Variants in CUX1 observed in about 807,000 individuals in gnomAD.
The protein encoded by CUX1 is cut like homeobox 1.
A neutral mutation model predicts 158.8 loss-of-function variants in CUX1; 31 were observed. The ratio of observed to expected loss-of-function variants is 0.20; its 90% CI spans 0.15 to 0.26. The LOEUF (loss-of-function observed/expected upper bound fraction) is 0.26, where lower values mean the gene tolerates loss of function less well. Among genes scored for constraint, CUX1 ranks in the 10% least tolerant of loss-of-function variants. The pLI is 1.00. For synonymous variants in CUX1, 879 were observed against 862.1 expected (o/e 1.02, Z -0.34); for missense variants, 1,589 against 2,014.6 (o/e 0.79, Z 4.04).
At chr7:102,230,595 C>T (rs1798855219) in intron 21 of CUX1, among the ~76,000 whole-genome samples, 1 of 151,964 alleles carries the variant, frequency 6.6e-6, no homozygotes, top group African/African-American at 2.4e-5. Context: ...GTGGAAGCCT[C>T]CCATCCCCAT....
At chr7:102,134,829 C>G (rs1833719781) in intron 8 of CUX1, among the ~76,000 whole-genome samples, 1 of 152,116 alleles carries the variant, frequency 6.6e-6, no homozygotes. Context: ...CTCCTGGGCT[C>G]AAGCGATCCT....
chr7:101,989,015 A>T (rs1814730764), intron 2 of CUX1, among the ~76,000 whole-genome samples: 1 of 151,786 alleles, frequency 6.6e-6, no homozygotes, highest in South Asian at 2.1e-4. Context: ...AATAATAATA[A>T]TAATAATATT....
intron 15 of CUX1, 81 bp from the exon 16 acceptor site, chr7:102,198,721 G>C: frequency 7.8e-7 from 1 of 1,285,874 alleles, no homozygotes; most frequent in South Asian, 1.2e-5. Context: ...AGGCGGCTCA[G>C]ATTTCATGTC....
chr7:101,858,329 C>A (rs556812390), intron 1 of CUX1, among the ~76,000 whole-genome samples: 10 of 152,230 alleles, frequency 6.6e-5, no homozygotes, highest in African/African-American at 2.4e-4. Context: ...ATTTTAGAGG[C>A]CGACTTTGGT....
intron 1 of CUX1, among the ~76,000 whole-genome samples, chr7:101,835,102 C>T (rs186604192): frequency 1.0e-3 from 156 of 152,266 alleles, no homozygotes; most frequent in Non-Finnish European, 2.2e-4. Context: ...AGTTCCAAAA[C>T]GTTTCCAACA....
intron 13 of CUX1, 106 bp downstream of exon 13, chr7:102,193,996 C>T: frequency 9.2e-7 from 1 of 1,092,354 alleles, no homozygotes. Flanking sequence ...AGACCTCTCA[C>T]TTACAGCCGA....
chr7:101,963,518 G>A (rs1563066956), intron 2 of CUX1, among the ~76,000 whole-genome samples: 1 of 152,174 alleles, frequency 6.6e-6, no homozygotes, highest in African/African-American at 2.4e-5. Flanking sequence ...TAGTAGGGTG[G>A]GAAGTGGAGG....
chr7:102,226,161 T>C (rs1346870970), intron 20 of CUX1, among the ~76,000 whole-genome samples: 1 of 152,190 alleles, frequency 6.6e-6, no homozygotes, highest in Non-Finnish European at 1.5e-5. Context: ...CCAGCTGGCA[T>C]TTCCCACTGG....
Position 102,201,379 on chromosome 7 carries a change from C to T in CUX1, c.2082C>T (p.Ser694=). The T allele has an allele frequency of 1.9e-6, 3 of 1,613,712 alleles. No homozygotes were observed. The highest frequency in any genetic ancestry group is 2.2e-5 in the East Asian group (1 of 44,876). Residue 694 remains serine (S), a synonymous_variant, in exon 18 of 24, where the codon TCC becomes TCT. Coordinates refer to ENST00000292535, the MANE Select transcript of CUX1 (RefSeq NM_181552.4). The surrounding 1 kb of genome is among the most constrained non-coding windows in gnomAD (Gnocchi z 5.0). ...ATGCAGCAGAGCCGGCCCAGCCTTC[C>T]TCCGCATCCGGCAGCGGGAACTCTG... ...VQKTAEPAQP[S]SASGSGNSDD... is the part of the protein sequence containing the mutation.
At position 102,073,346 on chromosome 7, in the gene CUX1, G is replaced by A. The variant is rs547930835; in HGVS notation, c.268+2929G>A. ...CCATCACGACACCCAGCTAATTTTT[G>A]TACTTTAGTAGAGACGGGGTTTCGC... On this transcript the variant is annotated intron_variant, in intron 4 of 23. Transcript: ENST00000292535. Among the ~76,000 whole-genome samples, 3 of 151,300 alleles carry A rather than the reference G, an allele frequency of 2.0e-5. No individual in the cohort carries two copies. The East Asian group carries it at 5.9e-4, about 30-fold the overall frequency.
rs1554487751 is a variant in CUX1, at chr7:102,104,425, C to A, written c.496C>A (p.Gln166Lys). 6.2e-7 allele frequency: 1 copy of A among 1,612,860 alleles called. No homozygotes were observed. The highest frequency in any genetic ancestry group is 2.2e-5 in the East Asian group (1 of 44,846). The change falls in exon 6 of 24, where the codon CAG (glutamine) becomes AAG (lysine). Residue 166 changes from glutamine (Q) to lysine (K), a missense_variant. Physicochemically the swap from Gln to Lys is moderately conservative, Grantham distance 53. Transcript: ENST00000292535. ...CGAAACCATAGCTCTTGAGAAGGAA[C>A]AGAAGTTACAGAATGACTTTGCAGA... ...QAETIALEKEQKLQNDFAEKE... is the reference protein window; with the variant it reads ...QAETIALEKEKKLQNDFAEKE...
Position 102,132,634 on chromosome 7 carries a change from T to C in CUX1, c.674+17361T>C, listed in dbSNP as rs544077347. Among the ~76,000 whole-genome samples, 300 of 151,196 alleles carry C rather than the reference T, an allele frequency of 2.0e-3. 2 individuals are homozygous for C. The highest frequency in any genetic ancestry group is 6.7e-3 in the African/African-American group (277 of 41,330). On this transcript the variant is annotated intron_variant, in intron 8 of 23. Coordinates refer to ENST00000292535, the MANE Select transcript of CUX1 (RefSeq NM_181552.4). ...GCAACATTGTACATTCCCAACTTCA[T>C]CACCACTCTCACTACCGTCATTTTA...
At chr7:102,081,931 ATTTC>A (rs1827464359) in intron 4 of CUX1, among the ~76,000 whole-genome samples, 1 of 146,422 alleles carries the variant, frequency 6.8e-6, no homozygotes, top group African/African-American at 2.4e-5. Flanking sequence ...TGGCCCAGGT[ATTTC>A]TTTATAGCAG....
At chr7:101,835,192 A>G (rs1451712234) in intron 1 of CUX1, among the ~76,000 whole-genome samples, 1 of 151,900 alleles carries the variant, frequency 6.6e-6, no homozygotes, top group African/African-American at 2.4e-5. Context: ...GTAACCATTC[A>G]TCTATTCTCT....
chr7:101,864,117 G>A (rs967445965), intron 1 of CUX1, among the ~76,000 whole-genome samples: 1 of 150,920 alleles, frequency 6.6e-6, no homozygotes, highest in Non-Finnish European at 1.5e-5. Flanking sequence ...GTGCACAAGG[G>A]TTCCAATTTC....
chr7:102,134,251 C>T lies in CUX1; in HGVS notation c.674+18978C>T, dbSNP rs544568037. Among the ~76,000 whole-genome samples, 10 of 152,226 alleles carry T rather than the reference C, an allele frequency of 6.6e-5. No individual in the cohort carries two copies. In the East Asian group the frequency reaches 1.2e-3, roughly 18 times the overall value. On this transcript the variant is annotated intron_variant, in intron 8 of 23. Coordinates refer to ENST00000292535, the MANE Select transcript of CUX1 (RefSeq NM_181552.4). ...ACTCTGGTGGCTGAGGCAGGAGAAT[C>T]GCTTGAACCCGGGAGGTGGAGGTTG...
At chr7:102,092,907 C>T (rs112050495) in intron 4 of CUX1, among the ~76,000 whole-genome samples, 10 of 109,988 alleles carry the variant, frequency 9.1e-5, no homozygotes, top group African/African-American at 3.6e-4. Flanking sequence ...AGTGAGACTC[C>T]GTCTCAAAAA....
Position 102,248,633 on chromosome 7 carries a change from C to T in CUX1, c.4109C>T (p.Ala1370Val), listed in dbSNP as rs1172612315. 1.5e-5 allele frequency: 21 copies of T among 1,397,348 alleles called. No homozygotes were observed. The highest frequency in any genetic ancestry group is 4.3e-5 in the South Asian group (3 of 70,534). The allele number at this position is 1,397,348 out of a possible 1,614,324, so 86.6% of individuals were successfully genotyped here. A position where few individuals can be genotyped will look rare whatever the true frequency, so the allele number is the denominator to read the frequency against. ...EAEREEVPRPAEQTEPPPSGT... is the reference protein window; with the variant it reads ...EAEREEVPRPVEQTEPPPSGT... ...GAGCGGGAGGAGGTGCCGCGGCCGGCGGAGCAGACGGAGCCGCCGCCCTCG... is the reference window on the plus strand; with the variant it reads ...GAGCGGGAGGAGGTGCCGCGGCCGGTGGAGCAGACGGAGCCGCCGCCCTCG... The change falls in exon 24 of 24, where the codon GCG becomes GTG. Residue 1370 changes from alanine (A) to valine (V), a missense_variant. Ala to Val is a moderately conservative substitution (Grantham distance 64). Transcript: ENST00000292535. This position sits in a 1 kb window ranked among gnomAD's most constrained non-coding sequence, Gnocchi z 5.8.
intron 3 of CUX1, among the ~76,000 whole-genome samples, chr7:102,056,557 T>A (rs752820484): frequency 4.6e-5 from 7 of 152,210 alleles, no homozygotes; most frequent in Non-Finnish European, 1.0e-4. Context: ...TGAGACCTAC[T>A]GCCCAGAATA....
Sources: gnomAD v4.1 joint callset for allele counts (sites outside exome capture counted in the v4.1 genomes callset) on GRCh38, gnomAD v4.1.1 for gene constraint, Gnocchi (gnomAD v3.1) non-coding constraint, MANE v1.5 for transcripts, NCBI Gene and HGNC (gene_info 2026-07-23, HGNC 2026-07-21) for gene names.